The following MFSD6 variants were observed in gnomAD, a reference collection of about 807,000 sequenced individuals.
The protein encoded by MFSD6 is major facilitator superfamily domain-containing protein 6.
A neutral mutation model predicts 56.3 loss-of-function variants in MFSD6; 26 were observed. That is an observed-to-expected ratio of 0.46 (90% CI 0.34 to 0.64). MFSD6 has a LOEUF of 0.64. MFSD6 is among the 30% of genes least tolerant of loss of function. The probability of loss-of-function intolerance (pLI) is 0.01; values close to 1 mark genes in which losing one functional copy is unlikely to be tolerated. For missense variants in MFSD6, 750 were observed against 986.2 expected (o/e 0.76, Z 3.21); for synonymous variants, 331 against 366.9 (o/e 0.90, Z 1.12).
chr2:190,475,811 A>C, intron 4 of MFSD6, among the ~76,000 whole-genome samples: 1 of 152,166 alleles, frequency 6.6e-6, no homozygotes, highest in Admixed American at 6.5e-5. Context: ...ACTTCAAACT[A>C]TACTACAAGC....
In MFSD6 at chr2:190,436,289, C is replaced by A; in HGVS notation, c.260C>A (p.Pro87His). The A allele has an allele frequency of 6.2e-7, 1 of 1,614,016 alleles. No homozygotes were observed. The highest frequency in any genetic ancestry group is 8.5e-7 in the Non-Finnish European group (1 of 1,179,914). ...TACTCTGCCTATGGCTCTCTCTATC[C>A]CCTTTTGCCTGTGTATTACAAACAG... ...FFYSAYGSLY[P>H]LLPVYYKQLG... The change falls in exon 3 of 8, where the codon CCC (proline) becomes CAC (histidine). Residue 87 changes from proline to histidine, a missense_variant. By Grantham distance (77) the Pro-to-His change is moderately conservative. Transcript: ENST00000392328. The surrounding 1 kb of genome is among the most constrained non-coding windows in gnomAD (Gnocchi z 5.3).
rs1372905443 is a variant in MFSD6, at chr2:190,501,767, T to A, written c.*1549T>A. 4 of 152,568 alleles carry A rather than the reference T, an allele frequency of 2.6e-5. No homozygotes were observed. Among genetic ancestry groups the A allele is most frequent in the Admixed American group, 6.5e-5 (1 of 15,274 alleles). 9.5% of individuals were successfully genotyped at this position (152,568 alleles called of 1,614,324 possible). ...TTAAAAATAAAATAACTGAAAGAAA[T>A]AGAATTCAGCAAATAGTTATTTTTT... On this transcript the variant is annotated 3_prime_UTR_variant, in exon 8 of 8. Coordinates refer to ENST00000392328, the MANE Select transcript of MFSD6 (RefSeq NM_017694.4).
At position 190,445,457 on chromosome 2, in the gene MFSD6, C is replaced by CAAA. The variant is rs10650684; in HGVS notation, c.1532+7905_1532+7907dup. On this transcript the variant is annotated intron_variant, in intron 3 of 7. Coordinates refer to ENST00000392328, the MANE Select transcript of MFSD6 (RefSeq NM_017694.4). ...CTCTCTTTTTAAAAAGCCCCAATCA[C>CAAA]AAAAAAAAAAACCCCGACTATACCC... 7.3e-3 allele frequency among the ~76,000 whole-genome samples: 1,051 copies of CAAA among 143,752 alleles called. 10 individuals are homozygous for CAAA. Among genetic ancestry groups the CAAA allele is most frequent in the African/African-American group, 0.015 (573 of 38,926 alleles). The allele number at this position is 143,752 out of a possible 152,430, so 94.3% of individuals were successfully genotyped here.
rs1181232794 is a variant in MFSD6, at chr2:190,497,409, A to C, written c.1892-30A>C. ...GTTCAAATATGTAGAAAATGCTGAA[A>C]AAATAGTTTAAACATTCTTTTCTCT... On this transcript the variant is annotated intron_variant, in intron 6 of 7. Transcript: ENST00000392328. The surrounding 1 kb of genome is among the most constrained non-coding windows in gnomAD (Gnocchi z 5.2). 1 of 1,599,288 alleles carries C rather than the reference A, an allele frequency of 6.3e-7. No individual in the cohort carries two copies. The highest frequency in any genetic ancestry group is 1.3e-5 in the African/African-American group (1 of 74,320).
In MFSD6 at chr2:190,436,530, T is replaced by C. The variant is rs1686180776; in HGVS notation, c.501T>C (p.Thr167=). Residue 167 remains threonine (T), a synonymous_variant, in exon 3 of 8, where the codon ACT becomes ACC. Transcript: ENST00000392328. This position sits in a 1 kb window ranked among gnomAD's most constrained non-coding sequence, Gnocchi z 5.3. ...LRCVPKIRPT[T]HPTNASHQLT... ...GTGTACCAAAGATTCGCCCAACAACTCACCCCACCAATGCAAGTCACCAGT... is the reference window on the plus strand; with the variant it reads ...GTGTACCAAAGATTCGCCCAACAACCCACCCCACCAATGCAAGTCACCAGT... 4 of 1,614,248 alleles carry C rather than the reference T, an allele frequency of 2.5e-6. No individual in the cohort carries two copies. Among genetic ancestry groups the C allele is most frequent in the African/African-American group, 2.7e-5 (2 of 75,074 alleles).
At chr2:190,453,289 G>A (rs982471279) in intron 3 of MFSD6, among the ~76,000 whole-genome samples, 3 of 152,086 alleles carry the variant, frequency 2.0e-5, no homozygotes, top group African/African-American at 7.2e-5. Context: ...AGAGGTGTGG[G>A]CTCTGGGTAG....
chr2:190,498,401 G>C lies in MFSD6; in HGVS notation c.2172+682G>C, dbSNP rs1305786384. On this transcript the variant is annotated intron_variant, in intron 7 of 7. Transcript: ENST00000392328. The surrounding 1 kb of genome is among the most constrained non-coding windows in gnomAD (Gnocchi z 5.9). ...TTATTTGATAAGTCACGTCAGCTTT[G>C]TCTGGAGTAGCTTCAGAGGACACAT... 6.6e-6 allele frequency among the ~76,000 whole-genome samples: 1 copy of C among 152,136 alleles called. No homozygotes were observed. Among genetic ancestry groups the C allele is most frequent in the Non-Finnish European group, 1.5e-5 (1 of 68,020 alleles).
intron 3 of MFSD6, among the ~76,000 whole-genome samples, chr2:190,452,922 A>G (rs552236299): frequency 1.3e-5 from 2 of 152,326 alleles, no homozygotes; most frequent in South Asian, 4.1e-4. Context: ...ATCATTTAGG[A>G]AGAATTAATT....
In MFSD6 at chr2:190,461,265, T is replaced by A. The variant is rs530912677; in HGVS notation, c.1533-8493T>A. On this transcript the variant is annotated intron_variant, in intron 3 of 7. Transcript: ENST00000392328. This position sits in a 1 kb window ranked among gnomAD's most constrained non-coding sequence, Gnocchi z 5.5. ...TACTGCATGAAACACAGTGACTTGA[T>A]GTCTGTTCATTCTTTGAGAAAGTAG... 6.6e-6 allele frequency among the ~76,000 whole-genome samples: 1 copy of A among 152,362 alleles called. No homozygotes were observed. The highest frequency in any genetic ancestry group is 2.1e-4 in the South Asian group (1 of 4,830).
rs1050452715 is a variant in MFSD6, at chr2:190,469,941, A to G, written c.1630+86A>G. 1.1e-6 allele frequency: 1 copy of G among 911,634 alleles called. No individual in the cohort carries two copies. Among genetic ancestry groups the G allele is most frequent in the African/African-American group, 1.7e-5 (1 of 60,322 alleles). 56.5% of individuals were successfully genotyped at this position (911,634 alleles called of 1,614,324 possible). A position where few individuals can be genotyped will look rare whatever the true frequency, so the allele number is the denominator to read the frequency against. On this transcript the variant is annotated intron_variant, in intron 4 of 7. Coordinates refer to ENST00000392328, the MANE Select transcript of MFSD6 (RefSeq NM_017694.4). The surrounding 1 kb of genome is among the most constrained non-coding windows in gnomAD (Gnocchi z 5.3). Reference sequence around the variant, plus strand: ...CCAGTGGCCTTCAGCATCTGATTCTATAAAGGAAGGGCAGGCCTACTGTTT... The same window carrying G: ...CCAGTGGCCTTCAGCATCTGATTCTGTAAAGGAAGGGCAGGCCTACTGTTT...
chr2:190,479,725 A>G (rs1688552770), intron 4 of MFSD6, among the ~76,000 whole-genome samples: 1 of 152,172 alleles, frequency 6.6e-6, no homozygotes. Flanking sequence ...AGGGGCTGCT[A>G]TAACTAAAGA....
rs1377256541 is a variant in MFSD6 at position 190,456,008 on chromosome 2, T to TCGGCTCA, written c.1533-13748_1533-13742dup. Among the ~76,000 whole-genome samples the TCGGCTCA allele has an allele frequency of 7.1e-6, 1 of 140,774 alleles. No homozygotes were observed. The highest frequency in any genetic ancestry group is 2.6e-5 in the African/African-American group (1 of 37,850). 92.4% of individuals were successfully genotyped at this position (140,774 alleles called of 152,430 possible). ...CAGGCTGAAGTGCAGCGGCATGATC[T>TCGGCTCA]CGGCTCACTGCAACCTCTGCCTCCT... is the stretch of plus-strand genomic sequence containing the variant. On this transcript the variant is annotated intron_variant, in intron 3 of 7. Coordinates refer to ENST00000392328, the MANE Select transcript of MFSD6 (RefSeq NM_017694.4). This position sits in a 1 kb window ranked among gnomAD's most constrained non-coding sequence, Gnocchi z 5.4.
intron 2 of MFSD6, among the ~76,000 whole-genome samples, chr2:190,432,092 A>G (rs938332514): frequency 6.6e-6 from 1 of 152,122 alleles, no homozygotes; most frequent in Non-Finnish European, 1.5e-5. Context: ...GTAATTACTC[A>G]TATTTAGTGG....
chr2:190,452,028 A>G (rs1686789163), intron 3 of MFSD6, among the ~76,000 whole-genome samples: 1 of 151,792 alleles, frequency 6.6e-6, no homozygotes, highest in Non-Finnish European at 1.5e-5. Context: ...TGATTCATGT[A>G]CTATCTTTGC....
Position 190,488,807 on chromosome 2 carries a change from T to C in MFSD6, c.1781T>C (p.Val594Ala). The change falls in exon 5 of 8, where the codon GTC becomes GCC. Residue 594 changes from valine (V) to alanine (A), a missense_variant. Physicochemically the swap from Val to Ala is moderately conservative, Grantham distance 64 (BLOSUM62 0). This residue lies in a region of MFSD6 where 125 missense variants were observed against 223.1 expected (regional missense o/e 0.56). Coordinates refer to ENST00000392328, the MANE Select transcript of MFSD6 (RefSeq NM_017694.4). This position sits in a 1 kb window ranked among gnomAD's most constrained non-coding sequence, Gnocchi z 6.4. ...GCGAMIGGVL[V>A]NYFGAAATFR... ...GGTGCCATGATCGGAGGCGTGTTAG[T>C]CAATTATTTTGGTAAGAATGGCTTT... 6.4e-7 allele frequency: 1 copy of C among 1,567,852 alleles called. No homozygotes were observed. Among genetic ancestry groups the C allele is most frequent in the Non-Finnish European group, 8.6e-7 (1 of 1,163,424 alleles).
rs1290372828 is a variant in MFSD6 at position 190,437,427 on chromosome 2, C to T, written c.1398C>T (p.Thr466=). ...GTTTTGGATATGGCTTCGTGTTCAC[C>T]TTTCTCTACTGGCATTTGGAAGACC... The part of the protein sequence containing the change: ...FMGFGYGFVF[T]FLYWHLEDLN... The change falls in exon 3 of 8, where the codon ACC becomes ACT. Residue 466 remains threonine (T), a synonymous_variant. Coordinates refer to ENST00000392328, the MANE Select transcript of MFSD6 (RefSeq NM_017694.4). The surrounding 1 kb of genome is among the most constrained non-coding windows in gnomAD (Gnocchi z 5.9). The T allele has an allele frequency of 6.2e-7, 1 of 1,614,240 alleles. No individual in the cohort carries two copies. Among genetic ancestry groups the T allele is most frequent in the South Asian group, 1.1e-5 (1 of 91,092 alleles).
intron 2 of MFSD6, among the ~76,000 whole-genome samples, chr2:190,422,522 G>A (rs1405955895): frequency 6.6e-6 from 1 of 152,134 alleles, no homozygotes; most frequent in Non-Finnish European, 1.5e-5. Context: ...ATAAACTCAA[G>A]TAATAATTTG....
Position 190,430,784 on chromosome 2 carries a change from G to C in MFSD6, c.-53-5193G>C, listed in dbSNP as rs529901390. Among the ~76,000 whole-genome samples the C allele has an allele frequency of 2.0e-5, 3 of 151,532 alleles. No individual in the cohort carries two copies. In the South Asian group the frequency reaches 6.3e-4, roughly 32 times the overall value. On this transcript the variant is annotated intron_variant, in intron 2 of 7. Coordinates refer to ENST00000392328, the MANE Select transcript of MFSD6 (RefSeq NM_017694.4). ...TCCTCACTTCCCAGAAGGGGCGGCC[G>C]GGCGGGCAGAGGCGCCCCCCCCACC...
chr2:190,489,825 T>A lies in MFSD6; in HGVS notation c.1850T>A (p.Phe617Tyr). 4 of 1,614,212 alleles carry A rather than the reference T, an allele frequency of 2.5e-6. No individual in the cohort carries two copies. The highest frequency in any genetic ancestry group is 3.4e-6 in the Non-Finnish European group (4 of 1,180,014). The change falls in exon 6 of 8, where the codon TTT (phenylalanine) becomes TAT (tyrosine). Residue 617 changes from phenylalanine to tyrosine, a missense_variant. This residue lies in a region of MFSD6 where 125 missense variants were observed against 223.1 expected (regional missense o/e 0.56). Transcript: ENST00000392328. This position sits in a 1 kb window ranked among gnomAD's most constrained non-coding sequence, Gnocchi z 6.6. ...GMACLVILLL[F>Y]ALIQWLAVPD... ...GCCTGCTTGGTGATCCTACTGCTCT[T>A]TGCCCTGATCCAGTGGCTGGCAGTG... is the stretch of plus-strand genomic sequence containing the variant.
Sources: allele counts gnomAD v4.1 joint callset (sites outside exome capture counted in the v4.1 genomes callset), GRCh38; gene constraint gnomAD v4.1.1; regional missense constraint gnomAD v4.1.1; non-coding constraint Gnocchi (gnomAD v3.1); transcripts MANE v1.5; gene names NCBI Gene and HGNC (gene_info 2026-07-23, HGNC 2026-07-21).